Variants in FGD5 observed in about 807,000 individuals in gnomAD.
FGD5 encodes FYVE, RhoGEF and PH domain containing 5.
FGD5 carries 28 observed loss-of-function variants against 133.4 expected under a neutral mutation model. The observed-to-expected ratio is 0.21, with a 90% CI of 0.16 to 0.29. The LOEUF is 0.29. Ranked by LOEUF, FGD5 falls within the 10% of genes least tolerant of loss-of-function variation. The probability of loss-of-function intolerance (pLI) is 1.00; values close to 1 mark genes in which losing one functional copy is unlikely to be tolerated. For missense variants in FGD5, 1,858 were observed against 1,895.2 expected, an observed-to-expected ratio of 0.98 and a Z score of 0.36; for synonymous variants, 810 against 776.5, an observed-to-expected ratio of 1.04 and a Z score of -0.72.
At position 14,897,500 on chromosome 3, in the gene FGD5, G is replaced by A; in HGVS notation, c.2749-9G>A. The stretch of plus-strand genomic sequence containing the variant: ...CAACCTGTGGGTAACAGACCTTTTG[G>A]TGTTTCAGGATTTCCATGGAGCTGT... On this transcript the variant is annotated splice_polypyrimidine_tract_variant and intron_variant, in intron 4 of 19. Coordinates refer to ENST00000285046, the MANE Select transcript of FGD5 (RefSeq NM_152536.4). 1 of 1,601,372 alleles carries A rather than the reference G, an allele frequency of 6.2e-7. No homozygotes were observed. Among genetic ancestry groups the A allele is most frequent in the Non-Finnish European group, 8.5e-7 (1 of 1,174,098 alleles).
intron 11 of FGD5, among the ~76,000 whole-genome samples, chr3:14,915,098 G>A (rs1262217930): frequency 6.6e-6 from 1 of 152,230 alleles, no homozygotes; most frequent in Non-Finnish European, 1.5e-5. Context: ...GGAGGCGGAG[G>A]CCTGAAGCAT....
Position 14,819,087 on chromosome 3 carries a change from A to G in FGD5, c.16A>G (p.Lys6Glu). 1 of 1,549,266 alleles carries G rather than the reference A, an allele frequency of 6.5e-7. No homozygotes were observed. The highest frequency in any genetic ancestry group is 8.7e-7 in the Non-Finnish European group (1 of 1,146,736). Residue 6 changes from lysine (K) to glutamate (E), a missense_variant, in exon 1 of 20, where the codon AAG (lysine) becomes GAG (glutamate). Coordinates refer to ENST00000285046, the MANE Select transcript of FGD5 (RefSeq NM_152536.4). This position sits in a 1 kb window ranked among gnomAD's most constrained non-coding sequence, Gnocchi z 4.1. ...TCCAAACTCCATGTTCAGGGGTCCGAAGCCCCCCATTGCCCCCAAGCCCAG... is the reference window on the plus strand; with the variant it reads ...TCCAAACTCCATGTTCAGGGGTCCGGAGCCCCCCATTGCCCCCAAGCCCAG... The part of the protein sequence containing the change: MFRGP[K>E]PPIAPKPRLT...
At chr3:14,858,485 C>T (rs1035370122) in intron 1 of FGD5, among the ~76,000 whole-genome samples, 4 of 151,986 alleles carry the variant, frequency 2.6e-5, no homozygotes, top group Non-Finnish European at 4.4e-5. Context: ...TTGGTATGCT[C>T]AAGGAATCCA....
intron 1 of FGD5, among the ~76,000 whole-genome samples, chr3:14,831,838 G>C (rs1196512548): frequency 6.6e-6 from 1 of 152,200 alleles, no homozygotes; most frequent in Non-Finnish European, 1.5e-5. Context: ...CGAACATCAA[G>C]GGGTCAAGAC....
rs745521396 is a variant in FGD5 at position 14,924,105 on chromosome 3, G to A, written c.4035G>A (p.Lys1345=). ...VFQSINPSTF[K]KQKKVPSALT... ...AGAGCATTAACCCCTCGACCTTCAAGAAGCAGAAGAAAGTCCCTTCAGCCC... is the reference window on the plus strand; with the variant it reads ...AGAGCATTAACCCCTCGACCTTCAAAAAGCAGAAGAAAGTCCCTTCAGCCC... The change falls in exon 17 of 20, where the codon AAG becomes AAA. Residue 1345 remains lysine (K), a synonymous_variant. Transcript: ENST00000285046. 1.2e-6 allele frequency: 2 copies of A among 1,613,982 alleles called. No homozygotes were observed. The highest frequency in any genetic ancestry group is 1.7e-6 in the Non-Finnish European group (2 of 1,179,896).
chr3:14,917,457 G>C lies in FGD5; in HGVS notation c.3489+125G>C, dbSNP rs2038581785. ...AAGAGGGAGGCCCTGCGGAAACAGT[G>C]TTGGGCTACAGCAAGTTTGTGCTGT... is the stretch of plus-strand genomic sequence containing the variant. On this transcript the variant is annotated intron_variant, in intron 12 of 19. Coordinates refer to ENST00000285046, the MANE Select transcript of FGD5 (RefSeq NM_152536.4). This position sits in a 1 kb window ranked among gnomAD's most constrained non-coding sequence, Gnocchi z 4.1. 1.2e-6 allele frequency: 1 copy of C among 836,430 alleles called. No homozygotes were observed. Among genetic ancestry groups the C allele is most frequent in the South Asian group, 1.7e-5 (1 of 57,826 alleles). The allele number at this position is 836,430 out of a possible 1,614,324, so 51.8% of individuals were successfully genotyped here. A position where few individuals can be genotyped will look rare whatever the true frequency, so the allele number is the denominator to read the frequency against.
At chr3:14,839,993 C>G (rs1047373562) in intron 1 of FGD5, among the ~76,000 whole-genome samples, 7 of 152,134 alleles carry the variant, frequency 4.6e-5, no homozygotes, top group African/African-American at 1.7e-4. Flanking sequence ...CACAGGCACT[C>G]CCAAAATTCA....
intron 9 of FGD5, among the ~76,000 whole-genome samples, chr3:14,907,215 A>G (rs2038357017): frequency 6.6e-6 from 1 of 152,100 alleles, no homozygotes; most frequent in African/African-American, 2.4e-5. Context: ...AGGCACACTT[A>G]TTTTTCTAAC....
In FGD5 at chr3:14,897,963, C is replaced by T. The variant is rs759638175; in HGVS notation, c.2934C>T (p.Asp978=). The change falls in exon 6 of 20, where the codon GAC becomes GAT. Residue 978 remains aspartate (D), a synonymous_variant. Coordinates refer to ENST00000285046, the MANE Select transcript of FGD5 (RefSeq NM_152536.4). The part of the protein sequence containing the change: ...SNWESQQKVA[D]VFLAREQGFD... ...GGGAGAGCCAGCAGAAGGTAGCTGA[C>T]GTCTTCCTGGCCCGGGAGCAGGGGT... is the stretch of plus-strand genomic sequence containing the variant. The T allele has an allele frequency of 4.3e-5, 69 of 1,613,674 alleles. No individual in the cohort carries two copies. The highest frequency in any genetic ancestry group is 1.6e-4 in the Middle Eastern group (1 of 6,082).
At chr3:14,877,844 G>T (rs1044511893) in intron 2 of FGD5, among the ~76,000 whole-genome samples, 1 of 152,172 alleles carries the variant, frequency 6.6e-6, no homozygotes, top group Non-Finnish European at 1.5e-5. Flanking sequence ...AGACATTTTT[G>T]ATTGTCACAG....
intron 1 of FGD5, among the ~76,000 whole-genome samples, chr3:14,851,628 T>G (rs895077386): frequency 1.3e-5 from 2 of 152,228 alleles, no homozygotes; most frequent in African/African-American, 4.8e-5. Flanking sequence ...GTGGTAGGTT[T>G]GTGGCTCCGG....
At chr3:14,863,168 G>A (rs1280933849) in intron 1 of FGD5, among the ~76,000 whole-genome samples, 1 of 152,214 alleles carries the variant, frequency 6.6e-6, no homozygotes, top group African/African-American at 2.4e-5. Flanking sequence ...TTCCCAGAGG[G>A]CAGGAGTATT....
chr3:14,862,008 C>T (rs1048996394), intron 1 of FGD5, among the ~76,000 whole-genome samples: 6 of 152,086 alleles, frequency 3.9e-5, no homozygotes, highest in African/African-American at 1.4e-4. Flanking sequence ...AGGAGGTGGC[C>T]TGGCCAGCAG....
intron 4 of FGD5, among the ~76,000 whole-genome samples, chr3:14,883,779 T>C (rs1469846007): frequency 6.6e-6 from 1 of 152,160 alleles, no homozygotes; most frequent in East Asian, 1.9e-4. Flanking sequence ...CATTACTCCA[T>C]GTAAGTATAA....
chr3:14,851,961 A>G (rs1420723861), intron 1 of FGD5, among the ~76,000 whole-genome samples: 2 of 152,116 alleles, frequency 1.3e-5, no homozygotes, highest in African/African-American at 4.8e-5. Context: ...AGTGTTGACA[A>G]GACTGTAGAG....
intron 1 of FGD5, among the ~76,000 whole-genome samples, chr3:14,862,316 G>A (rs1648376589): frequency 6.6e-6 from 1 of 152,214 alleles, no homozygotes; most frequent in African/African-American, 2.4e-5. Context: ...CTGGAAAAAG[G>A]GTTGCAAATT....
At chr3:14,830,611 G>T (rs1446528168) in intron 1 of FGD5, among the ~76,000 whole-genome samples, 1 of 152,238 alleles carries the variant, frequency 6.6e-6, no homozygotes, top group Non-Finnish European at 1.5e-5. Flanking sequence ...TATTGTTGGA[G>T]TTCTTCGGTG....
intron 6 of FGD5, among the ~76,000 whole-genome samples, chr3:14,898,528 A>G (rs929981248): frequency 1.2e-4 from 18 of 151,946 alleles, no homozygotes; most frequent in Non-Finnish European, 1.0e-4. Context: ...TGTAGCACCA[A>G]CTGGGAGCAT....
intron 1 of FGD5, among the ~76,000 whole-genome samples, chr3:14,844,209 AAAAAAAAAATATAT>A (rs1207859328): frequency 1.1e-3 from 30 of 26,902 alleles, no homozygotes; most frequent in Admixed American, 1.6e-3. Flanking sequence ...GGCATTAAAA[AAAAAAAAAATATAT>A]ATATATATAT....
Sources: allele counts gnomAD v4.1 joint callset (sites outside exome capture counted in the v4.1 genomes callset), GRCh38; gene constraint gnomAD v4.1.1; non-coding constraint Gnocchi (gnomAD v3.1); transcripts MANE v1.5; gene names NCBI Gene and HGNC (gene_info 2026-07-23, HGNC 2026-07-21).